DLGAP2: variants seen among roughly 807,000 people sequenced by gnomAD.
DLGAP2 encodes the protein DLG associated protein 2.
In DLGAP2, 26 loss-of-function variants were observed where a neutral mutation model predicts 100.3. That is an observed-to-expected ratio of 0.26 (90% CI 0.19 to 0.36). DLGAP2 has a LOEUF of 0.36. Ranked by LOEUF, DLGAP2 falls within the 10% of genes least tolerant of loss-of-function variation. The probability of loss-of-function intolerance (pLI) is 1.00; values close to 1 mark genes in which losing one functional copy is unlikely to be tolerated. For missense variants in DLGAP2, 1,858 were observed against 1,453.2 expected, an observed-to-expected ratio of 1.28 and a Z score of -4.53; for synonymous variants, 886 against 630.1, an observed-to-expected ratio of 1.41 and a Z score of -6.08.
intron 3 of DLGAP2, among the ~76,000 whole-genome samples, chr8:1,362,112 A>AG (rs11445764): frequency 1 from 152,314 of 152,314 alleles, 76,157 homozygotes; most frequent in Non-Finnish European, 1. Context: ...GAGTTAGCGT[A>AG]CTTCAAACCC....
chr8:1,333,757 A>T (rs11782134), intron 3 of DLGAP2, among the ~76,000 whole-genome samples: 1 of 152,176 alleles, frequency 6.6e-6, no homozygotes, highest in Non-Finnish European at 1.5e-5. Context: ...CTCATACCCA[A>T]TTTTAATGGG....
chr8:1,574,061 C>T (rs1802865083), intron 6 of DLGAP2, among the ~76,000 whole-genome samples: 3 of 152,118 alleles, frequency 2.0e-5, no homozygotes, highest in African/African-American at 2.4e-5. Context: ...CACCCTAGAG[C>T]ATTAGGGTAA....
chr8:977,105 A>G (rs1194283604), intron 2 of DLGAP2, among the ~76,000 whole-genome samples: 1 of 152,214 alleles, frequency 6.6e-6, no homozygotes. Flanking sequence ...GTACTCAGCC[A>G]AGATAAGAGG....
intron 6 of DLGAP2, among the ~76,000 whole-genome samples, chr8:1,578,827 T>C (rs1440511425): frequency 4.6e-5 from 7 of 152,206 alleles, no homozygotes; most frequent in African/African-American, 1.7e-4. Flanking sequence ...TGCCCTGGTG[T>C]ACAGACCCTC....
chr8:1,005,829 C>G (rs903769982), intron 2 of DLGAP2, among the ~76,000 whole-genome samples: 1 of 152,062 alleles, frequency 6.6e-6, no homozygotes, highest in African/African-American at 2.4e-5. Context: ...TTCAATGACC[C>G]AAATAATACC....
rs183273636 is a variant in DLGAP2, at chr8:883,868, C to T, written c.19-24044C>T. On this transcript the variant is annotated intron_variant, in intron 1 of 14. Coordinates refer to ENST00000637795, the MANE Select transcript of DLGAP2 (RefSeq NM_001346810.2). The stretch of plus-strand genomic sequence containing the variant: ...TTGTGTTCTCATTGTTCATCTCCCA[C>T]TTATGAGTGAGAACATGTGGTGTTG... 5.3e-5 allele frequency among the ~76,000 whole-genome samples: 8 copies of T among 152,330 alleles called. No homozygotes were observed. The East Asian group carries it at 7.7e-4, about 15-fold the overall frequency.
chr8:1,105,997 G>A (rs1185135975), intron 2 of DLGAP2, among the ~76,000 whole-genome samples: 1 of 147,908 alleles, frequency 6.8e-6, no homozygotes. Flanking sequence ...CATTCTAGGA[G>A]GTTTTCTACT....
At chr8:1,367,534 G>C (rs528105838) in intron 3 of DLGAP2, among the ~76,000 whole-genome samples, 1 of 152,210 alleles carries the variant, frequency 6.6e-6, no homozygotes, top group Non-Finnish European at 1.5e-5. Flanking sequence ...GCTGGGGGCC[G>C]CAGAGGACAG....
intron 1 of DLGAP2, among the ~76,000 whole-genome samples, chr8:743,026 G>A (rs1385872934): frequency 6.6e-6 from 1 of 152,118 alleles, no homozygotes; most frequent in Non-Finnish European, 1.5e-5. Flanking sequence ...CACAATGGAA[G>A]TTATCAAGCA....
intron 2 of DLGAP2, among the ~76,000 whole-genome samples, chr8:1,194,599 G>C (rs1171687015): frequency 1.3e-5 from 2 of 152,194 alleles, no homozygotes; most frequent in Non-Finnish European, 2.9e-5. Flanking sequence ...ACGCCTGCCT[G>C]TTCAGCAGGG....
chr8:1,587,146 T>A (rs1481972538), intron 6 of DLGAP2, among the ~76,000 whole-genome samples: 5 of 152,234 alleles, frequency 3.3e-5, no homozygotes, highest in African/African-American at 1.2e-4. Flanking sequence ...AGTTTGAGAA[T>A]CTCCTAATTT....
At chr8:1,595,138 G>A (rs985430493) in intron 6 of DLGAP2, among the ~76,000 whole-genome samples, 9 of 151,898 alleles carry the variant, frequency 5.9e-5, no homozygotes, top group African/African-American at 1.9e-4. Flanking sequence ...CCTCCCGGGT[G>A]CAAGCGATTC....
chr8:1,486,245 G>C (rs1459513125), intron 3 of DLGAP2, among the ~76,000 whole-genome samples: 1 of 152,200 alleles, frequency 6.6e-6, no homozygotes, highest in Non-Finnish European at 1.5e-5. Context: ...GCCTGGACTT[G>C]AGCAAGTCAA....
chr8:1,666,014 A>G (rs895621533), intron 8 of DLGAP2, among the ~76,000 whole-genome samples: 1 of 152,198 alleles, frequency 6.6e-6, no homozygotes, highest in Non-Finnish European at 1.5e-5. Context: ...CAAGTGTTTA[A>G]ACGGACCTCA....
intron 2 of DLGAP2, among the ~76,000 whole-genome samples, chr8:1,062,465 C>T (rs767684088): frequency 2.0e-5 from 3 of 152,152 alleles, no homozygotes; most frequent in Non-Finnish European, 4.4e-5. Context: ...ATGCTGCAGA[C>T]GGAGTGGCAG....
At chr8:1,575,156 C>T (rs1035229295) in intron 6 of DLGAP2, among the ~76,000 whole-genome samples, 4 of 152,336 alleles carry the variant, frequency 2.6e-5, no homozygotes, top group Admixed American at 2.6e-4. Context: ...ACCGTATCTG[C>T]TGCATTTTCA....
chr8:1,635,300 A>C (rs1180145410), intron 8 of DLGAP2, among the ~76,000 whole-genome samples: 1 of 152,242 alleles, frequency 6.6e-6, no homozygotes, highest in African/African-American at 2.4e-5. Context: ...GAAAACTATC[A>C]ACATGTACGG....
chr8:1,545,533 G>C (rs550571553), intron 4 of DLGAP2, among the ~76,000 whole-genome samples: 1 of 152,262 alleles, frequency 6.6e-6, no homozygotes, highest in African/African-American at 2.4e-5. Context: ...TCCGCATTTT[G>C]TGTTTGCTAC....
At chr8:1,283,866 T>C (rs951800283) in intron 3 of DLGAP2, among the ~76,000 whole-genome samples, 2 of 152,264 alleles carry the variant, frequency 1.3e-5, no homozygotes, top group East Asian at 1.9e-4. Flanking sequence ...GTTCGTGGGA[T>C]ACAATCACAC....
Sources: allele counts gnomAD v4.1 joint callset (sites outside exome capture counted in the v4.1 genomes callset), GRCh38; gene constraint gnomAD v4.1.1; transcripts MANE v1.5; gene names NCBI Gene and HGNC (gene_info 2026-07-23, HGNC 2026-07-21).